The following ITPRID2 variants were observed in gnomAD, a reference collection of about 807,000 sequenced individuals.
The protein encoded by ITPRID2 is protein ITPRID2.
Under a neutral mutation model 124.3 loss-of-function variants are expected in ITPRID2, and 60 were observed. That is an observed-to-expected ratio of 0.48 (90% CI 0.39 to 0.60). ITPRID2 has a LOEUF of 0.60. ITPRID2 is among the 20% of genes least tolerant of loss of function. ITPRID2 has a pLI of 0.00. For missense variants in ITPRID2, 1,553 were observed against 1,512.2 expected (o/e 1.03, Z -0.45); for synonymous variants, 521 against 542.9 (o/e 0.96, Z 0.56).
chr2:181,892,230 A>T lies in ITPRID2; in HGVS notation c.164A>T (p.Glu55Val). 6.4e-7 allele frequency: 1 copy of T among 1,550,908 alleles called. No homozygotes were observed. Among genetic ancestry groups the T allele is most frequent in the Non-Finnish European group, 8.7e-7 (1 of 1,147,140 alleles). The change falls in exon 1 of 18, where the codon GAG becomes GTG. Residue 55 changes from glutamate (E) to valine (V), a missense_variant. Glu to Val is a moderately radical substitution (Grantham distance 121). Transcript: ENST00000431877. The surrounding 1 kb of genome is among the most constrained non-coding windows in gnomAD (Gnocchi z 5.2). ...ACGACGCAGGACGAGGAGGAGGACG[A>T]GGAGGAGGACCTCCCCGGCGCGCAG... ...EATTQDEEED[E>V]EEDLPGAQLP...
chr2:181,928,418 T>G, intron 17 of ITPRID2, 140 bp downstream of exon 17: 1 of 506,676 alleles, frequency 2.0e-6, no homozygotes, highest in Non-Finnish European at 3.5e-6. Flanking sequence ...TTTTACAATG[T>G]GAAAATTTCA....
At position 181,929,766 on chromosome 2, in the gene ITPRID2, ACT is replaced by A. The variant is rs1347793466; in HGVS notation, c.*222_*223del. 25 of 610,772 alleles carry A rather than the reference ACT, an allele frequency of 4.1e-5. No individual in the cohort carries two copies. The highest frequency in any genetic ancestry group is 4.0e-4 in the African/African-American group (21 of 52,612). 37.8% of individuals were successfully genotyped at this position (610,772 alleles called of 1,614,324 possible). On this transcript the variant is annotated 3_prime_UTR_variant, in exon 18 of 18. Coordinates refer to ENST00000431877, the MANE Select transcript of ITPRID2 (RefSeq NM_001130445.3). ...CTATTTCTTTTCTAAACTATCAAAA[ACT>A]CTAGCAGTTTGAAAAGCCTAATATT...
chr2:181,909,297 A>G (rs1574251087), intron 8 of ITPRID2, among the ~76,000 whole-genome samples: 3 of 152,248 alleles, frequency 2.0e-5, no homozygotes, highest in Admixed American at 2.0e-4. Flanking sequence ...TTGATACCTG[A>G]AAGTTTGGGG....
At position 181,892,367 on chromosome 2, in the gene ITPRID2, G is replaced by GC. The variant is rs887810300; in HGVS notation, c.211+92dup. The GC allele has an allele frequency of 2.4e-5, 34 of 1,406,632 alleles. No individual in the cohort carries two copies. In the African/African-American group the frequency reaches 4.0e-4, roughly 17 times the overall value. 87.1% of individuals were successfully genotyped at this position (1,406,632 alleles called of 1,614,324 possible). Reference sequence around the variant, plus strand: ...GGCGCCTGCCACGAGTTCTGGGAGAGCCTCGGGCACGGTAGGCCGAGGGGA... The same window carrying GC: ...GGCGCCTGCCACGAGTTCTGGGAGAGCCCTCGGGCACGGTAGGCCGAGGGGA... On this transcript the variant is annotated intron_variant, in intron 1 of 17. Coordinates refer to ENST00000431877, the MANE Select transcript of ITPRID2 (RefSeq NM_001130445.3). This position sits in a 1 kb window ranked among gnomAD's most constrained non-coding sequence, Gnocchi z 5.2.
In ITPRID2 at chr2:181,920,581, G is replaced by C. The variant is rs201242990; in HGVS notation, c.3145-16G>C. ...ACACACACATATACATATATATATT[G>C]TTCTTACCTTTTCAGGGAATGTGTG... is the stretch of plus-strand genomic sequence containing the variant. On this transcript the variant is annotated splice_polypyrimidine_tract_variant and intron_variant, in intron 14 of 17. Coordinates refer to ENST00000431877, the MANE Select transcript of ITPRID2 (RefSeq NM_001130445.3). 1.2e-6 allele frequency: 2 copies of C among 1,600,166 alleles called. No individual in the cohort carries two copies. Among genetic ancestry groups the C allele is most frequent in the East Asian group, 2.2e-5 (1 of 44,730 alleles).
At chr2:181,915,164 G>A (rs1264867287) in intron 10 of ITPRID2, 52 bp from the exon 11 acceptor site, 3 of 1,554,904 alleles carry the variant, frequency 1.9e-6, no homozygotes, top group African/African-American at 1.4e-5. Context: ...TATTTTGTTA[G>A]TGACTCTTCT....
intron 11 of ITPRID2, chr2:181,917,768 T>G (rs780830927): frequency 2.0e-5 from 3 of 152,220 alleles, no homozygotes; most frequent in Admixed American, 6.5e-5. Context: ...CATGGCTGAT[T>G]TTGTGTTTTG....
chr2:181,900,864 GCAACGGATGGA>G lies in ITPRID2; in HGVS notation c.673_683del (p.Gln225SerfsTer16). On this transcript the variant is annotated frameshift_variant, in exon 7 of 18. Coordinates refer to ENST00000431877, the MANE Select transcript of ITPRID2 (RefSeq NM_001130445.3). LOFTEE classifies it high-confidence loss of function. ...TTAAAGTATTTTTGAGTGCTCAGAT[GCAACGGATGGA>G]AGTAGAAAACCCAAATTATGCTTTA... The G allele has an allele frequency of 6.2e-7, 1 of 1,612,140 alleles. No homozygotes were observed. The highest frequency in any genetic ancestry group is 8.5e-7 in the Non-Finnish European group (1 of 1,179,308).
Position 181,892,643 on chromosome 2 carries a change from A to G in ITPRID2, c.240A>G (p.Ile80Met), listed in dbSNP as rs755248554. Residue 80 changes from isoleucine (I) to methionine (M), a missense_variant, in exon 2 of 18, where the codon ATA becomes ATG. Physicochemically the swap from Ile to Met is conservative, Grantham distance 10. Coordinates refer to ENST00000431877, the MANE Select transcript of ITPRID2 (RefSeq NM_001130445.3). This position sits in a 1 kb window ranked among gnomAD's most constrained non-coding sequence, Gnocchi z 5.2. Reference protein sequence around the residue: ...RGNVPNEKIAIWLKDCRTPLG... With the variant: ...RGNVPNEKIAMWLKDCRTPLG... ...ACGTGCCCAACGAGAAGATCGCGAT[A>G]TGGCTCAAGGACTGCCGGTGAGTGC... The G allele has an allele frequency of 6.8e-6, 11 of 1,614,026 alleles. No individual in the cohort carries two copies. The highest frequency in any genetic ancestry group is 7.6e-6 in the Non-Finnish European group (9 of 1,179,998).
rs1308486608 is a variant in ITPRID2, at chr2:181,916,195, A to T, written c.2555A>T (p.Glu852Val). 6.2e-6 allele frequency: 10 copies of T among 1,614,142 alleles called. No homozygotes were observed. In the South Asian group the frequency reaches 9.9e-5, roughly 16 times the overall value. ...STCSLHSIHS[E>V]WQERPLCEHT... is the part of the protein sequence containing the mutation. ...TGTTCCCTTCATTCCATCCACTCTG[A>T]GTGGCAAGAAAGGCCCCTGTGTGAG... The change falls in exon 11 of 18, where the codon GAG (glutamate) becomes GTG (valine). Residue 852 changes from glutamate to valine, a missense_variant. Coordinates refer to ENST00000431877, the MANE Select transcript of ITPRID2 (RefSeq NM_001130445.3).
chr2:181,919,925 A>G lies in ITPRID2; in HGVS notation c.3144+479A>G, dbSNP rs1009346656. Among the ~76,000 whole-genome samples, 4 of 152,170 alleles carry G rather than the reference A, an allele frequency of 2.6e-5. No homozygotes were observed. The highest frequency in any genetic ancestry group is 1.9e-4 in the East Asian group (1 of 5,190). Reference sequence around the variant, plus strand: ...ATGATACCTGTATATTTTCATACATATATATACATACACATACATATATGT... The same window carrying G: ...ATGATACCTGTATATTTTCATACATGTATATACATACACATACATATATGT... On this transcript the variant is annotated intron_variant, in intron 14 of 17. Transcript: ENST00000431877. This position sits in a 1 kb window ranked among gnomAD's most constrained non-coding sequence, Gnocchi z 4.2.
At chr2:181,895,938 T>C in intron 2 of ITPRID2, 92 bp from the exon 3 acceptor site, 1 of 1,017,224 alleles carries the variant, frequency 9.8e-7, no homozygotes, top group Non-Finnish European at 1.5e-6. Context: ...TAGAAGCTTA[T>C]TGAGCTGTAA....
At chr2:181,920,424 CT>C (rs1694394693) in intron 14 of ITPRID2, among the ~76,000 whole-genome samples, 172 bp from the exon 15 acceptor site, 1 of 152,108 alleles carries the variant, frequency 6.6e-6, no homozygotes, top group African/African-American at 2.4e-5. Flanking sequence ...ATCTGTGACA[CT>C]TGAGAGTAAC....
Position 181,921,287 on chromosome 2 carries a change from G to A in ITPRID2, c.3210+625G>A, listed in dbSNP as rs528628751. Among the ~76,000 whole-genome samples, 3 of 152,258 alleles carry A rather than the reference G, an allele frequency of 2.0e-5. No individual in the cohort carries two copies. The South Asian group carries it at 6.2e-4, about 32-fold the overall frequency. ...GAGGTCAGGAGTTGAAGACCAGCCT[G>A]ACCAACATGGTGAAACCGCATCTCT... On this transcript the variant is annotated intron_variant, in intron 15 of 17. Transcript: ENST00000431877.
chr2:181,928,024 C>A, intron 16 of ITPRID2, 137 bp from the exon 17 acceptor site: 1 of 602,618 alleles, frequency 1.7e-6, no homozygotes, highest in Non-Finnish European at 3.0e-6. Flanking sequence ...ATTCCCCACT[C>A]CCTCTCTGTA....
In ITPRID2 at chr2:181,905,915, G is replaced by A. The variant is rs1276320828; in HGVS notation, c.1413+3449G>A. ...ATGTTTTGAAGATAAGCCTGCCCTG[G>A]AATATGAACTCTAACATATGACATG... On this transcript the variant is annotated intron_variant, in intron 8 of 17. Coordinates refer to ENST00000431877, the MANE Select transcript of ITPRID2 (RefSeq NM_001130445.3). The surrounding 1 kb of genome is among the most constrained non-coding windows in gnomAD (Gnocchi z 4.1). Among the ~76,000 whole-genome samples the A allele has an allele frequency of 6.6e-6, 1 of 152,080 alleles. No individual in the cohort carries two copies. Among genetic ancestry groups the A allele is most frequent in the Non-Finnish European group, 1.5e-5 (1 of 68,012 alleles).
At chr2:181,926,710 C>T (rs1422626568) in intron 16 of ITPRID2, among the ~76,000 whole-genome samples, 4 of 125,794 alleles carry the variant, frequency 3.2e-5, no homozygotes, top group Non-Finnish European at 6.4e-5. Flanking sequence ...GAGAATCCAT[C>T]TCAAAAAAAA....
In ITPRID2 at chr2:181,920,648, A is replaced by G. The variant is rs200404059; in HGVS notation, c.3196A>G (p.Asn1066Asp). The G allele has an allele frequency of 1.7e-5, 27 of 1,612,436 alleles. No homozygotes were observed. The highest frequency in any genetic ancestry group is 2.2e-5 in the Non-Finnish European group (26 of 1,178,852). Residue 1066 changes from asparagine (N) to aspartate (D), a missense_variant, in exon 15 of 18, where the codon AAT becomes GAT. Coordinates refer to ENST00000431877, the MANE Select transcript of ITPRID2 (RefSeq NM_001130445.3). ...TAACTTGTCATGCCCTTCTCCATTG[A>G]ATGTAATGGAACCAGTAAGCTTCTT... Reference protein sequence around the residue: ...ADNLSCPSPLNVMEPVTELMQ... With the variant: ...ADNLSCPSPLDVMEPVTELMQ...
At chr2:181,895,694 A>C (rs1294071104) in intron 2 of ITPRID2, among the ~76,000 whole-genome samples, 1 of 152,020 alleles carries the variant, frequency 6.6e-6, no homozygotes. Flanking sequence ...GGTTGAGAAG[A>C]ACAGACATTT....
Sources: allele counts gnomAD v4.1 joint callset (sites outside exome capture counted in the v4.1 genomes callset), GRCh38; gene constraint gnomAD v4.1.1; non-coding constraint Gnocchi (gnomAD v3.1); transcripts MANE v1.5; gene names NCBI Gene and HGNC (gene_info 2026-07-23, HGNC 2026-07-21).